ADD3: variants seen among roughly 807,000 people sequenced by gnomAD.
ADD3 encodes gamma-adducin.
Under a neutral mutation model 80.2 loss-of-function variants are expected in ADD3, and 25 were observed. The ratio of observed to expected loss-of-function variants is 0.31; its 90% confidence interval spans 0.23 to 0.44. The LOEUF is 0.44. Among genes scored for constraint, ADD3 ranks in the 20% least tolerant of loss-of-function variants. The probability of loss-of-function intolerance (pLI) is 1.00; values close to 1 mark genes in which losing one functional copy is unlikely to be tolerated. For synonymous variants in ADD3, 284 were observed against 289.6 expected (o/e 0.98, Z 0.20); for missense variants, 829 against 847.5 (o/e 0.98, Z 0.27).
At chr10:110,047,289 A>C (rs1857007516) in intron 1 of ADD3, among the ~76,000 whole-genome samples, 1 of 152,238 alleles carries the variant, frequency 6.6e-6, no homozygotes, top group Non-Finnish European at 1.5e-5. Flanking sequence ...CACTTTTAGC[A>C]ACAGTCTGAG....
At chr10:110,105,033 T>A (rs1479606289) in intron 2 of ADD3, among the ~76,000 whole-genome samples, 1 of 152,188 alleles carries the variant, frequency 6.6e-6, no homozygotes, top group Non-Finnish European at 1.5e-5. Context: ...TGGAAGAGTT[T>A]ATAATCACAA....
At chr10:110,027,233 G>A (rs1854418979) in intron 1 of ADD3, among the ~76,000 whole-genome samples, 1 of 152,176 alleles carries the variant, frequency 6.6e-6, no homozygotes, top group African/African-American at 2.4e-5. Flanking sequence ...TGTCTTTTAA[G>A]AGAAAATCTA....
intron 1 of ADD3, among the ~76,000 whole-genome samples, chr10:110,079,616 C>T (rs991296371): frequency 4.6e-5 from 7 of 151,664 alleles, no homozygotes; most frequent in Admixed American, 4.6e-4. Flanking sequence ...AGTATAGTGG[C>T]GCGATCTTGG....
chr10:110,055,197 T>C (rs1203272926), intron 1 of ADD3, among the ~76,000 whole-genome samples: 1 of 152,224 alleles, frequency 6.6e-6, no homozygotes, highest in East Asian at 1.9e-4. Flanking sequence ...TGGGCAGGTG[T>C]AGTCAAAATA....
intron 1 of ADD3, among the ~76,000 whole-genome samples, chr10:110,074,888 GA>G (rs1222046380): frequency 1.7e-4 from 26 of 152,160 alleles, no homozygotes; most frequent in Admixed American, 1.7e-3. Context: ...CAAAACTGAG[GA>G]GGCGGGAGGG....
intron 11 of ADD3, 88 bp from the exon 12 acceptor site, chr10:110,126,329 A>AAGT: frequency 1.0e-6 from 1 of 992,230 alleles, no homozygotes; most frequent in Non-Finnish European, 1.6e-6. Context: ...TGGAAATGTC[A>AAGT]AGTAGTAAGC....
chr10:110,112,830 C>T lies in ADD3; in HGVS notation c.249C>T (p.His83=), dbSNP rs1850218536. The change falls in exon 3 of 15, where the codon CAC becomes CAT. Residue 83 remains histidine, a synonymous_variant. Transcript: ENST00000356080. ...TTCAAGAACAGATGAAGAAAGGCCA[C>T]AACCCAACTGGATTACTAGCATTAC... ...CLIQEQMKKG[H]NPTGLLALQQ... 6.2e-7 allele frequency: 1 copy of T among 1,614,112 alleles called. No homozygotes were observed. The highest frequency in any genetic ancestry group is 8.5e-7 in the Non-Finnish European group (1 of 1,179,984).
chr10:110,109,420 A>AT (rs1590160899), intron 2 of ADD3, among the ~76,000 whole-genome samples: 1 of 151,912 alleles, frequency 6.6e-6, no homozygotes, highest in South Asian at 2.1e-4. Context: ...CTTCAGCTTT[A>AT]TTTTTCTTAC....
intron 1 of ADD3, among the ~76,000 whole-genome samples, chr10:110,049,882 G>A (rs550643688): frequency 5.0e-4 from 69 of 137,062 alleles, no homozygotes; most frequent in South Asian, 1.1e-3. Flanking sequence ...GCGAGACTCC[G>A]TCTCAAAAAA....
chr10:110,046,082 G>A (rs950547622), intron 1 of ADD3, among the ~76,000 whole-genome samples: 6 of 152,158 alleles, frequency 3.9e-5, no homozygotes, highest in African/African-American at 1.2e-4. Context: ...CTTTCAAGAA[G>A]CAGAGAAAAG....
intron 1 of ADD3, among the ~76,000 whole-genome samples, chr10:110,065,985 T>G (rs1843905583): frequency 6.6e-6 from 1 of 152,178 alleles, no homozygotes; most frequent in South Asian, 2.1e-4. Context: ...TCGATAGTCC[T>G]TAAAATCTGC....
At chr10:110,040,378 T>C (rs1856156472) in intron 1 of ADD3, among the ~76,000 whole-genome samples, 1 of 152,176 alleles carries the variant, frequency 6.6e-6, no homozygotes, top group Admixed American at 6.5e-5. Flanking sequence ...GAAACATGAT[T>C]GAACAGATTG....
chr10:110,074,325 A>G (rs1203907860), intron 1 of ADD3, among the ~76,000 whole-genome samples: 1 of 152,236 alleles, frequency 6.6e-6, no homozygotes, highest in Non-Finnish European at 1.5e-5. Context: ...ACTTGAAAAC[A>G]TCTCCATTTG....
chr10:110,021,805 G>A (rs1219282616), intron 1 of ADD3, among the ~76,000 whole-genome samples: 1 of 152,050 alleles, frequency 6.6e-6, no homozygotes, highest in Non-Finnish European at 1.5e-5. Context: ...TGATGGTTGT[G>A]CAACATTGCG....
intron 1 of ADD3, among the ~76,000 whole-genome samples, chr10:110,100,186 A>T (rs1848645491): frequency 6.6e-6 from 1 of 151,906 alleles, no homozygotes; most frequent in Admixed American, 6.6e-5. Flanking sequence ...ATCTCTACTT[A>T]AAAAAATACA....
chr10:110,120,006 A>G (rs897724662), intron 8 of ADD3, among the ~76,000 whole-genome samples: 5 of 152,146 alleles, frequency 3.3e-5, no homozygotes, highest in Non-Finnish European at 5.9e-5. Flanking sequence ...GAGGTTGGAT[A>G]TTTATTAATC....
At chr10:110,067,621 G>A (rs950802372) in intron 1 of ADD3, among the ~76,000 whole-genome samples, 1 of 152,190 alleles carries the variant, frequency 6.6e-6, no homozygotes, top group Non-Finnish European at 1.5e-5. Context: ...TTTAAAGTTG[G>A]AGTGAGGAAG....
chr10:110,038,704 A>G (rs142409125), intron 1 of ADD3, among the ~76,000 whole-genome samples: 131 of 152,346 alleles, frequency 8.6e-4, no homozygotes, highest in African/African-American at 3.0e-3. Context: ...TTCTCCAAAG[A>G]ATTTACCTAC....
intron 1 of ADD3, among the ~76,000 whole-genome samples, chr10:110,099,903 T>C (rs1329437368): frequency 6.6e-6 from 1 of 152,238 alleles, no homozygotes; most frequent in African/African-American, 2.4e-5. Context: ...TTTTCCCTAA[T>C]GTAATTCATA....
Sources: gnomAD v4.1 joint callset for allele counts (sites outside exome capture counted in the v4.1 genomes callset) on GRCh38, gnomAD v4.1.1 for gene constraint, MANE v1.5 for transcripts, NCBI Gene and HGNC (gene_info 2026-07-23, HGNC 2026-07-21) for gene names.